Variants in STIMATE observed in about 807,000 individuals in gnomAD.
STIMATE encodes STIM activating enhancer.
A neutral mutation model predicts 36.7 loss-of-function variants in STIMATE; 15 were observed. That is an observed-to-expected ratio of 0.41 (90% CI 0.27 to 0.63). The LOEUF (loss-of-function observed/expected upper bound fraction) is 0.63. Ranked by LOEUF, STIMATE falls within the 20% of genes least tolerant of loss-of-function variation. The probability of loss-of-function intolerance (pLI) is 0.32; values close to 1 mark genes in which losing one functional copy is unlikely to be tolerated. For synonymous variants in STIMATE, 163 were observed against 162.3 expected, an observed-to-expected ratio of 1.00 and a Z score of -0.03; for missense variants, 305 against 397.3, an observed-to-expected ratio of 0.77 and a Z score of 1.98.
At chr3:52,841,650 T>C (rs1700799789) in intron 7 of STIMATE, 3 of 152,502 alleles carry the variant, frequency 2.0e-5, no homozygotes, top group African/African-American at 7.2e-5. Context: ...TTCCTGCCTC[T>C]AGTCTCGGTC....
intron 1 of STIMATE, among the ~76,000 whole-genome samples, chr3:52,897,040 A>G (rs1234436278): frequency 2.6e-5 from 4 of 152,110 alleles, no homozygotes; most frequent in Admixed American, 6.5e-5. Flanking sequence ...GAGGTAGGCG[A>G]GTTTTAGACT....
At chr3:52,842,766 A>T in intron 7 of STIMATE, 45 bp downstream of exon 7, 1 of 1,612,056 alleles carries the variant, frequency 6.2e-7, no homozygotes, top group South Asian at 1.1e-5. Context: ...CCCTTGGGCC[A>T]GCGATACGAC....
chr3:52,848,824 T>A (rs1172682809), intron 4 of STIMATE, among the ~76,000 whole-genome samples: 2 of 152,226 alleles, frequency 1.3e-5, no homozygotes, highest in African/African-American at 4.8e-5. Flanking sequence ...AGGCACAAGC[T>A]GTGTGTTGGA....
At chr3:52,872,313 T>G (rs2106704534) in intron 1 of STIMATE, among the ~76,000 whole-genome samples, 1 of 152,332 alleles carries the variant, frequency 6.6e-6, no homozygotes, top group South Asian at 2.1e-4. Context: ...TAAACAGTAT[T>G]TGTTGAACAA....
At chr3:52,887,994 G>GTT (rs71087029) in intron 1 of STIMATE, among the ~76,000 whole-genome samples, 1,433 of 52,570 alleles carry the variant, frequency 0.027, 360 homozygotes, top group African/African-American at 0.054. Context: ...AACAGAATCA[G>GTT]TTTTTTTTTT....
intron 1 of STIMATE, among the ~76,000 whole-genome samples, chr3:52,890,894 C>T (rs779302269): frequency 2.0e-5 from 3 of 152,120 alleles, no homozygotes; most frequent in East Asian, 1.9e-4. Context: ...GGGGTGCCTT[C>T]GCCTCAGATG....
chr3:52,864,582 T>C (rs575312948), intron 1 of STIMATE, among the ~76,000 whole-genome samples: 2 of 152,232 alleles, frequency 1.3e-5, no homozygotes, highest in South Asian at 2.1e-4. Flanking sequence ...CCAGCTTTTA[T>C]TTCTCAGAAA....
At chr3:52,887,994 G>GCTTTTTTT (rs1701717089) in intron 1 of STIMATE, among the ~76,000 whole-genome samples, 1 of 52,694 alleles carries the variant, frequency 1.9e-5, no homozygotes, top group African/African-American at 7.0e-5. Flanking sequence ...AACAGAATCA[G>GCTTTTTTT]TTTTTTTTTT....
intron 1 of STIMATE, among the ~76,000 whole-genome samples, chr3:52,857,807 G>C (rs994450776): frequency 2.6e-5 from 4 of 151,746 alleles, no homozygotes; most frequent in African/African-American, 9.7e-5. Flanking sequence ...TGGTGTTATA[G>C]GCTGAATTGT....
intron 1 of STIMATE, among the ~76,000 whole-genome samples, chr3:52,895,012 T>C (rs1575354595): frequency 6.6e-6 from 1 of 152,220 alleles, no homozygotes; most frequent in Non-Finnish European, 1.5e-5. Context: ...GGGACCCTCG[T>C]CAGGGGAGCC....
At chr3:52,884,955 T>A (rs1701668039) in intron 1 of STIMATE, among the ~76,000 whole-genome samples, 3 of 152,258 alleles carry the variant, frequency 2.0e-5, no homozygotes, top group Non-Finnish European at 4.4e-5. Flanking sequence ...CTGAGTTGTA[T>A]GGTACATTTC....
chr3:52,888,599 C>A (rs1701731785), intron 1 of STIMATE, among the ~76,000 whole-genome samples: 1 of 152,142 alleles, frequency 6.6e-6, no homozygotes, highest in Non-Finnish European at 1.5e-5. Flanking sequence ...CTACCTCATG[C>A]CTCTACGTCA....
At chr3:52,885,768 T>G (rs1000257897) in intron 1 of STIMATE, among the ~76,000 whole-genome samples, 2 of 152,252 alleles carry the variant, frequency 1.3e-5, no homozygotes, top group Non-Finnish European at 2.9e-5. Context: ...ACTGCTGGGC[T>G]TCGCTTGGGT....
At chr3:52,867,452 A>G (rs1701330471) in intron 1 of STIMATE, among the ~76,000 whole-genome samples, 1 of 152,230 alleles carries the variant, frequency 6.6e-6, no homozygotes, top group Non-Finnish European at 1.5e-5. Flanking sequence ...GTGCTCTGGA[A>G]GCCATGAGCT....
intron 1 of STIMATE, among the ~76,000 whole-genome samples, chr3:52,882,354 C>T (rs987715317): frequency 2.0e-5 from 3 of 152,168 alleles, no homozygotes; most frequent in Admixed American, 2.0e-4. Flanking sequence ...CTACTGGTCT[C>T]GTAAACTAAC....
intron 1 of STIMATE, among the ~76,000 whole-genome samples, chr3:52,859,776 GA>G (rs1002281918): frequency 2.6e-5 from 4 of 151,818 alleles, no homozygotes; most frequent in Admixed American, 2.6e-4. Flanking sequence ...CAGAATTTAC[GA>G]AAGAAAAGAC....
chr3:52,839,773 A>G lies in STIMATE; in HGVS notation c.*721T>C, dbSNP rs1197415665. 6.6e-6 allele frequency: 1 copy of G among 152,406 alleles called. No homozygotes were observed. The highest frequency in any genetic ancestry group is 1.5e-5 in the Non-Finnish European group (1 of 68,036). The allele number at this position is 152,406 out of a possible 1,614,324, so 9.4% of individuals were successfully genotyped here. On this transcript the variant is annotated 3_prime_UTR_variant, in exon 8 of 8. Coordinates refer to ENST00000355083, the MANE Select transcript of STIMATE (RefSeq NM_198563.5). ...AAAACTCCCGATTTTTCCTCCTGCC[A>G]GCCCACACCCCATGAAAGGCAAATA...
rs753037796 is a variant in STIMATE at position 52,838,158 on chromosome 3, G to C, written c.*2336C>G. On this transcript the variant is annotated 3_prime_UTR_variant, in exon 8 of 8. Coordinates refer to ENST00000355083, the MANE Select transcript of STIMATE (RefSeq NM_198563.5). ...CCCTTTCTGAAAATCAGGATACAGG[G>C]AAAAACCACCACTCTTCAGCTACCT... The C allele has an allele frequency of 2.0e-5, 3 of 152,192 alleles. No homozygotes were observed. The highest frequency in any genetic ancestry group is 4.4e-5 in the Non-Finnish European group (3 of 68,080). 9.4% of individuals were successfully genotyped at this position (152,192 alleles called of 1,614,324 possible). A position where few individuals can be genotyped will look rare whatever the true frequency, so the allele number is the denominator to read the frequency against.
intron 1 of STIMATE, among the ~76,000 whole-genome samples, chr3:52,881,318 G>A (rs1006098002): frequency 6.6e-6 from 1 of 151,722 alleles, no homozygotes; most frequent in Non-Finnish European, 1.5e-5. Context: ...ATGACAAACC[G>A]CCTCTCTGAA....
Sources: allele counts gnomAD v4.1 joint callset (sites outside exome capture counted in the v4.1 genomes callset), GRCh38; gene constraint gnomAD v4.1.1; transcripts MANE v1.5; gene names NCBI Gene and HGNC (gene_info 2026-07-23, HGNC 2026-07-21).